Variants in CDCA2 observed in about 807,000 individuals in gnomAD.
CDCA2 encodes cell division cycle-associated protein 2.
CDCA2 carries 44 observed loss-of-function variants against 67.0 expected under a neutral mutation model. That is an observed-to-expected ratio of 0.66 (90% CI 0.52 to 0.84). The LOEUF is 0.84. CDCA2 is among the 40% of genes least tolerant of loss of function. The pLI is 0.00. For synonymous variants in CDCA2, 447 were observed against 418.7 expected (o/e 1.07, Z -0.82); for missense variants, 1,253 against 1,203.2 (o/e 1.04, Z -0.61).
At chr8:25,459,229 G>A (rs7833509), upstream of CDCA2, 3 of 152,678 alleles carry the variant, frequency 2.0e-5, no homozygotes, top group African/African-American at 7.2e-5. Context: ...CGGAGGAGGC[G>A]GGTGGAGGAG....
chr8:25,499,644 A>T (rs1019765306), intron 13 of CDCA2, among the ~76,000 whole-genome samples: 3 of 151,910 alleles, frequency 2.0e-5, no homozygotes, highest in African/African-American at 7.2e-5. Context: ...CTCTGAAAAT[A>T]ATTTAAAGAA....
chr8:25,480,097 T>C lies in CDCA2; in HGVS notation c.1005T>C (p.Ser335=). The change falls in exon 8 of 15, where the codon TCT becomes TCC. Residue 335 remains serine (S), a synonymous_variant. Transcript: ENST00000330560. ...TTCGTTCTGTACTGAAGAAACCCTC[T>C]GTTAAGATGTGTCTAGAGAGCTTAC... is the stretch of plus-strand genomic sequence containing the variant. ...FVLRSVLKKP[S]VKMCLESLQE... 1.2e-6 allele frequency: 2 copies of C among 1,614,140 alleles called. No homozygotes were observed. The highest frequency in any genetic ancestry group is 8.5e-7 in the Non-Finnish European group (1 of 1,180,004).
rs772948782 is a variant in CDCA2, at chr8:25,483,467, T to G, written c.1101T>G (p.Cys367Trp). The stretch of plus-strand genomic sequence containing the variant: ...GCTTAATCTCAAATCTCCCAAACTG[T>G]TGCAAAGAGAAAGAAGCAGGTAAGA... Reference protein sequence around the residue: ...HPSLISNLPNCCKEKEAEDEE... With the variant: ...HPSLISNLPNWCKEKEAEDEE... The change falls in exon 9 of 15, where the codon TGT becomes TGG. Residue 367 changes from cysteine (C) to tryptophan (W), a missense_variant. By Grantham distance (215) the Cys-to-Trp change is radical (BLOSUM62 -2). Transcript: ENST00000330560. The G allele has an allele frequency of 6.2e-7, 1 of 1,611,112 alleles. No homozygotes were observed. Among genetic ancestry groups the G allele is most frequent in the South Asian group, 1.1e-5 (1 of 90,598 alleles).
chr8:25,496,452 C>T (rs760354294), intron 13 of CDCA2, among the ~76,000 whole-genome samples: 2 of 151,968 alleles, frequency 1.3e-5, no homozygotes, highest in African/African-American at 2.4e-5. Flanking sequence ...CTGCTTAAAA[C>T]GTTTGATAAA....
chr8:25,483,650 C>G (rs188619786), intron 9 of CDCA2, among the ~76,000 whole-genome samples, 164 bp downstream of exon 9: 1 of 152,290 alleles, frequency 6.6e-6, no homozygotes, highest in African/African-American at 2.4e-5. Flanking sequence ...TGGAGAGCCT[C>G]AGAATTGGTC....
intron 3 of CDCA2, among the ~76,000 whole-genome samples, chr8:25,461,437 T>C (rs577865614): frequency 6.6e-6 from 1 of 152,272 alleles, no homozygotes; most frequent in Admixed American, 6.5e-5. Flanking sequence ...TGGAGGATAA[T>C]GGAAGTCTTG....
intron 5 of CDCA2, among the ~76,000 whole-genome samples, chr8:25,467,054 A>AAC (rs1554520279): frequency 4.3e-5 from 6 of 140,982 alleles, no homozygotes; most frequent in African/African-American, 1.4e-4. Flanking sequence ...AAAAAAAAAA[A>AAC]AAAAAAAAAA....
chr8:25,483,449 C>T lies in CDCA2; in HGVS notation c.1083C>T (p.Ile361=). ...ATGATGGGACTCATCCGAGCTTAAT[C>T]TCAAATCTCCCAAACTGTTGCAAAG... ...YDDDGTHPSL[I]SNLPNCCKEK... Residue 361 remains isoleucine, a synonymous_variant, in exon 9 of 15, where the codon ATC becomes ATT. Transcript: ENST00000330560. The T allele has an allele frequency of 6.2e-7, 1 of 1,612,130 alleles. No individual in the cohort carries two copies. The highest frequency in any genetic ancestry group is 8.5e-7 in the Non-Finnish European group (1 of 1,179,110).
At chr8:25,499,820 A>G (rs1034138740) in intron 13 of CDCA2, among the ~76,000 whole-genome samples, 3 of 152,164 alleles carry the variant, frequency 2.0e-5, no homozygotes, top group Non-Finnish European at 4.4e-5. Flanking sequence ...CACCCTAACC[A>G]TTTATTGATC....
At chr8:25,488,807 G>A in intron 13 of CDCA2, 118 bp downstream of exon 13, 5 of 1,029,994 alleles carry the variant, frequency 4.9e-6, no homozygotes, top group Non-Finnish European at 6.6e-6. Context: ...GATTATTAAT[G>A]CAATCTTACC....
intron 8 of CDCA2, among the ~76,000 whole-genome samples, chr8:25,482,421 T>TC (rs1803607050): frequency 6.6e-6 from 1 of 152,186 alleles, no homozygotes; most frequent in South Asian, 2.1e-4. Flanking sequence ...ATGGTACTTG[T>TC]AACCTTCAAA....
intron 14 of CDCA2, among the ~76,000 whole-genome samples, chr8:25,505,490 T>G (rs1804642584): frequency 6.6e-6 from 1 of 152,152 alleles, no homozygotes; most frequent in Non-Finnish European, 1.5e-5. Flanking sequence ...CGTGAGCCAC[T>G]GTGCTCGGCC....
At chr8:25,482,945 G>A (rs1413641444) in intron 8 of CDCA2, among the ~76,000 whole-genome samples, 1 of 152,158 alleles carries the variant, frequency 6.6e-6, no homozygotes, top group East Asian at 1.9e-4. Flanking sequence ...ATTATTTAAA[G>A]TATACGGGAG....
At chr8:25,486,224 A>C (rs972503644) in intron 11 of CDCA2, among the ~76,000 whole-genome samples, 1 of 152,246 alleles carries the variant, frequency 6.6e-6, no homozygotes, top group Non-Finnish European at 1.5e-5. Context: ...CGTTTTTAGC[A>C]CATGTGCTTT....
Position 25,466,180 on chromosome 8 carries a change from C to T in CDCA2, c.393C>T (p.Ser131=), listed in dbSNP as rs747973885. 1.9e-6 allele frequency: 3 copies of T among 1,608,842 alleles called. No individual in the cohort carries two copies. The highest frequency in any genetic ancestry group is 1.1e-5 in the South Asian group (1 of 89,844). Residue 131 remains serine, a synonymous_variant, in exon 5 of 15, where the codon AGC becomes AGT. Coordinates refer to ENST00000330560, the MANE Select transcript of CDCA2 (RefSeq NM_152562.4). Reference sequence around the variant, plus strand: ...TATATTTTGCACTTTCACAGGGCAGCCCTGCACTGTATCGAAATGTTAACA... The same window carrying T: ...TATATTTTGCACTTTCACAGGGCAGTCCTGCACTGTATCGAAATGTTAACA... ...PLAQDSPSQG[S]PALYRNVNTL...
intron 13 of CDCA2, among the ~76,000 whole-genome samples, chr8:25,494,254 G>T (rs11985695): frequency 6.6e-6 from 1 of 151,696 alleles, no homozygotes; most frequent in Non-Finnish European, 1.5e-5. Flanking sequence ...GAGGCCAGTA[G>T]TGCGAGACCA....
intron 13 of CDCA2, among the ~76,000 whole-genome samples, chr8:25,491,937 A>G (rs943485516): frequency 3.9e-5 from 6 of 152,194 alleles, no homozygotes; most frequent in Non-Finnish European, 8.8e-5. Flanking sequence ...AGCTGGGACT[A>G]CAGGAACGCA....
chr8:25,479,729 T>C, intron 7 of CDCA2, 184 bp from the exon 8 acceptor site: 1 of 612,690 alleles, frequency 1.6e-6, no homozygotes, highest in African/African-American at 1.8e-5. Flanking sequence ...AACTGACCGA[T>C]GCTGCTTCTT....
chr8:25,506,241 G>A (rs1186411198), intron 14 of CDCA2, among the ~76,000 whole-genome samples: 2 of 152,190 alleles, frequency 1.3e-5, no homozygotes, highest in African/African-American at 2.4e-5. Flanking sequence ...GGAGGAAGCT[G>A]TTTCAGATGC....
Sources: gnomAD v4.1 joint callset for allele counts (sites outside exome capture counted in the v4.1 genomes callset) on GRCh38, gnomAD v4.1.1 for gene constraint, MANE v1.5 for transcripts, NCBI Gene and HGNC (gene_info 2026-07-23, HGNC 2026-07-21) for gene names.